SLC35A3: variants seen among roughly 807,000 people sequenced by gnomAD.
The protein encoded by SLC35A3 is UDP-N-acetylglucosamine transporter.
A neutral mutation model predicts 39.0 loss-of-function variants in SLC35A3; 26 were observed. The ratio of observed to expected loss-of-function variants is 0.67; its 90% CI spans 0.49 to 0.92. The LOEUF (loss-of-function observed/expected upper bound fraction) is 0.92. Ranked by LOEUF, SLC35A3 falls within the 40% of genes least tolerant of loss-of-function variation. The pLI, the probability that SLC35A3 is intolerant of heterozygous loss-of-function variation, is 0.00. For missense variants in SLC35A3, 299 were observed against 371.6 expected, an observed-to-expected ratio of 0.80 and a Z score of 1.61; for synonymous variants, 135 against 133.1, an observed-to-expected ratio of 1.01 and a Z score of -0.10.
intron 3 of SLC35A3, among the ~76,000 whole-genome samples, chr1:100,002,614 TTTG>T (rs1316372251): frequency 2.0e-5 from 3 of 152,110 alleles, no homozygotes; most frequent in Non-Finnish European, 4.4e-5. Flanking sequence ...GCCCTGATCT[TTTG>T]TTGTTGTTGT....
intron 1 of SLC35A3, among the ~76,000 whole-genome samples, chr1:99,987,433 G>C (rs1013700167): frequency 6.6e-6 from 1 of 151,980 alleles, no homozygotes; most frequent in Non-Finnish European, 1.5e-5. Flanking sequence ...TTTTCCAATA[G>C]TTATAATCTA....
At chr1:99,995,290 T>C (rs933359848) in intron 2 of SLC35A3, among the ~76,000 whole-genome samples, 1 of 151,868 alleles carries the variant, frequency 6.6e-6, no homozygotes, top group Non-Finnish European at 1.5e-5. Context: ...GTAGCTGTGA[T>C]TACAGGTGCA....
rs1156511648 is a variant in SLC35A3, at chr1:100,035,549, G to A, written c.*13073G>A. ...TACCTTCCTTTTGTTTTGTAACTGT[G>A]TCCCCCACTAGAATGTAAGCTCTGT... is the stretch of plus-strand genomic sequence containing the variant. On this transcript the variant is annotated 3_prime_UTR_variant, in exon 8 of 8. Transcript: ENST00000533028. 1.3e-5 allele frequency: 2 copies of A among 152,110 alleles called. No homozygotes were observed. Among genetic ancestry groups the A allele is most frequent in the Non-Finnish European group, 2.9e-5 (2 of 68,018 alleles). The allele number at this position is 152,110 out of a possible 1,614,324, so 9.4% of individuals were successfully genotyped here. A position where few individuals can be genotyped will look rare whatever the true frequency, so the allele number is the denominator to read the frequency against.
chr1:99,971,722 A>G (rs1044818018), intron 1 of SLC35A3, among the ~76,000 whole-genome samples: 1 of 152,168 alleles, frequency 6.6e-6, no homozygotes, highest in African/African-American at 2.4e-5. Flanking sequence ...AACATGCTAT[A>G]TGCCTGTCAG....
chr1:99,982,677 C>T (rs1240162180), intron 1 of SLC35A3, among the ~76,000 whole-genome samples: 1 of 151,948 alleles, frequency 6.6e-6, no homozygotes, highest in Non-Finnish European at 1.5e-5. Flanking sequence ...TATCTTTGAA[C>T]ATGAAATAAG....
chr1:100,015,405 A>G lies in SLC35A3; in HGVS notation c.738A>G (p.Ile246Met), dbSNP rs1660026650. ...FFQGYNRLTW[I>M]VVVLQALGGL... Reference sequence around the variant, plus strand: ...AGGGATATAACCGACTGACCTGGATAGTAGTTGTTCTTCAGGTAAAGCATT... The same window carrying G: ...AGGGATATAACCGACTGACCTGGATGGTAGTTGTTCTTCAGGTAAAGCATT... Residue 246 changes from isoleucine to methionine, a missense_variant, in exon 6 of 8, where the codon ATA becomes ATG. Ile to Met is a conservative substitution (Grantham distance 10). Transcript: ENST00000533028. The G allele has an allele frequency of 8.1e-6, 13 of 1,606,328 alleles. No homozygotes were observed. The highest frequency in any genetic ancestry group is 1.1e-5 in the Non-Finnish European group (13 of 1,177,794).
chr1:99,975,156 G>A (rs1657042560), intron 1 of SLC35A3: 1 of 152,000 alleles, frequency 6.6e-6, no homozygotes. Context: ...GCCCAGGATG[G>A]TCTCAGACTT....
Position 100,025,154 on chromosome 1 carries a change from T to A in SLC35A3, c.*2678T>A, listed in dbSNP as rs1407743991. 1 of 153,494 alleles carries A rather than the reference T, an allele frequency of 6.5e-6. No individual in the cohort carries two copies. The allele number at this position is 153,494 out of a possible 1,614,324, so 9.5% of individuals were successfully genotyped here. A position where few individuals can be genotyped will look rare whatever the true frequency, so the allele number is the denominator to read the frequency against. On this transcript the variant is annotated 3_prime_UTR_variant, in exon 8 of 8. Transcript: ENST00000533028. ...GTTCACCACATTTTGAACATGGTAGTTTTAGACTGCAATAATATTTAGACT... is the reference window on the plus strand; with the variant it reads ...GTTCACCACATTTTGAACATGGTAGATTTAGACTGCAATAATATTTAGACT...
intron 1 of SLC35A3, among the ~76,000 whole-genome samples, chr1:99,991,829 A>G (rs576938758): frequency 2.6e-5 from 4 of 152,112 alleles, no homozygotes; most frequent in Admixed American, 6.5e-5. Context: ...GCTCACTGCA[A>G]CCTTCACCTC....
intron 1 of SLC35A3, among the ~76,000 whole-genome samples, chr1:99,971,651 C>T (rs1035026450): frequency 7.9e-5 from 12 of 152,098 alleles, no homozygotes; most frequent in African/African-American, 2.7e-4. Context: ...ACAAGTATTA[C>T]TTTTTTCCAC....
chr1:100,032,769 ACTC>A lies in SLC35A3; in HGVS notation c.*10296_*10298del, dbSNP rs1661312221. ...ACCATCTTGGCCAGGCTGGTCTTGA[ACTC>A]CTGACCTCGTGATCCACCCGCCTCG... On this transcript the variant is annotated 3_prime_UTR_variant, in exon 8 of 8. Transcript: ENST00000533028. 1 of 151,164 alleles carries A rather than the reference ACTC, an allele frequency of 6.6e-6. No individual in the cohort carries two copies. The highest frequency in any genetic ancestry group is 1.5e-5 in the Non-Finnish European group (1 of 67,724). 9.4% of individuals were successfully genotyped at this position (151,164 alleles called of 1,614,324 possible).
intron 2 of SLC35A3, among the ~76,000 whole-genome samples, chr1:99,997,677 C>T (rs1221337613): frequency 6.7e-6 from 1 of 149,726 alleles, no homozygotes; most frequent in East Asian, 1.9e-4. Flanking sequence ...TCTGCTATGC[C>T]TTTTTTTCTA....
At chr1:99,988,620 C>T (rs1048284295) in intron 1 of SLC35A3, among the ~76,000 whole-genome samples, 2 of 147,878 alleles carry the variant, frequency 1.4e-5, no homozygotes, top group African/African-American at 5.0e-5. Flanking sequence ...CCTTCTGTCC[C>T]TCCCCTCCCC....
chr1:99,981,327 G>A (rs74427774), intron 1 of SLC35A3, among the ~76,000 whole-genome samples: 8,942 of 152,108 alleles, frequency 0.059, 345 homozygotes, highest in African/African-American at 0.1. Context: ...TACTAAGGGA[G>A]TATAGTGTTT....
chr1:99,990,501 G>A (rs184371043), intron 1 of SLC35A3, among the ~76,000 whole-genome samples: 3 of 152,150 alleles, frequency 2.0e-5, no homozygotes, highest in East Asian at 3.9e-4. Flanking sequence ...TTGAACAAGG[G>A]TGTCAGAGGT....
rs991478072 is a variant in SLC35A3 at position 99,983,513 on chromosome 1, T to C, written c.-18-10024T>C. On this transcript the variant is annotated intron_variant, in intron 1 of 7. Transcript: ENST00000533028. ...GAGATCGCGCCACTGCACTCCAGCC[T>C]GGGCGACAAAGCGAGACTCCGTCTC... Among the ~76,000 whole-genome samples, 11 of 150,026 alleles carry C rather than the reference T, an allele frequency of 7.3e-5. No individual in the cohort carries two copies. In the East Asian group the frequency reaches 1.6e-3, roughly 21 times the overall value.
intron 3 of SLC35A3, among the ~76,000 whole-genome samples, chr1:100,000,179 T>A (rs1388731046): frequency 1.3e-5 from 2 of 152,224 alleles, no homozygotes; most frequent in Non-Finnish European, 2.9e-5. Context: ...GAGGCTGTAC[T>A]AATTTACATT....
At chr1:99,990,696 T>C (rs948419048) in intron 1 of SLC35A3, among the ~76,000 whole-genome samples, 1 of 152,208 alleles carries the variant, frequency 6.6e-6, no homozygotes, top group African/African-American at 2.4e-5. Context: ...TTATATATGG[T>C]TTAATAGACT....
chr1:100,007,227 GA>G, intron 4 of SLC35A3, 71 bp downstream of exon 4: 1 of 1,336,746 alleles, frequency 7.5e-7, no homozygotes. Context: ...TTTGTGTGGA[GA>G]AATATGGTTC....
Sources: allele counts gnomAD v4.1 joint callset (sites outside exome capture counted in the v4.1 genomes callset), GRCh38; gene constraint gnomAD v4.1.1; transcripts MANE v1.5; gene names NCBI Gene and HGNC (gene_info 2026-07-23, HGNC 2026-07-21).